Variants in MEIOB observed in about 807,000 individuals in gnomAD.
MEIOB encodes meiosis-specific with OB domain-containing protein.
MEIOB carries 50 observed loss-of-function variants against 53.1 expected under a neutral mutation model. That is an observed-to-expected ratio of 0.94 (90% confidence interval 0.75 to 1.19). MEIOB has a LOEUF of 1.19. Among genes scored for constraint, MEIOB ranks in the 50% most tolerant of loss-of-function variants. The pLI is 0.00. For missense variants in MEIOB, 551 were observed against 550.8 expected (o/e 1.00, Z 0.00); for synonymous variants, 192 against 182.5 (o/e 1.05, Z -0.42).
intron 12 of MEIOB, 67 bp downstream of exon 12, chr16:1,839,188 A>G (rs55829224): frequency 0.17 from 245,211 of 1,456,070 alleles, 21,927 homozygotes; most frequent in South Asian, 0.28. Flanking sequence ...AAAACAACCT[A>G]TATTTTTTTG....
At chr16:1,869,784 A>C (rs1899691114) in intron 1 of MEIOB, among the ~76,000 whole-genome samples, 1 of 152,010 alleles carries the variant, frequency 6.6e-6, no homozygotes, top group African/African-American at 2.4e-5. Flanking sequence ...AATATATATT[A>C]GCATCAAGCT....
At chr16:1,841,729 A>G in intron 11 of MEIOB, 91 bp downstream of exon 11, 1 of 1,011,290 alleles carries the variant, frequency 9.9e-7, no homozygotes, top group Non-Finnish European at 1.4e-6. Flanking sequence ...TTACATCAAC[A>G]AACAGCTTTA....
At chr16:1,838,982 G>C (rs1303630278) in intron 12 of MEIOB, among the ~76,000 whole-genome samples, 7 of 152,160 alleles carry the variant, frequency 4.6e-5, no homozygotes, top group Non-Finnish European at 1.0e-4. Flanking sequence ...GTGAGCCACG[G>C]TGCCCAGCCC....
At chr16:1,856,894 G>A (rs1324388726) in intron 6 of MEIOB, among the ~76,000 whole-genome samples, 1 of 150,944 alleles carries the variant, frequency 6.6e-6, no homozygotes, top group East Asian at 2.0e-4. Flanking sequence ...CTCCCAAGCA[G>A]CTGAGATTAC....
At chr16:1,866,462 T>C (rs553722625) in intron 2 of MEIOB, among the ~76,000 whole-genome samples, 1 of 152,246 alleles carries the variant, frequency 6.6e-6, no homozygotes, top group South Asian at 2.1e-4. Flanking sequence ...GGCTCACACG[T>C]GTAATCCCAG....
In MEIOB at chr16:1,841,716, C is replaced by T. The variant is rs1898915443; in HGVS notation, c.1034+104G>A. On this transcript the variant is annotated intron_variant, in intron 11 of 13. Coordinates refer to ENST00000325962, the MANE Select transcript of MEIOB (RefSeq NM_001163560.3). ...CACATTTATCTCCAATACATAACCC[C>T]TGTTACATCAACAAACAGCTTTAAC... 1.3e-5 allele frequency: 10 copies of T among 794,072 alleles called. No homozygotes were observed. In the East Asian group the frequency reaches 2.9e-4, roughly 23 times the overall value. 49.2% of individuals were successfully genotyped at this position (794,072 alleles called of 1,614,324 possible).
rs528541269 is a variant in MEIOB at position 1,853,656 on chromosome 16, A to G, written c.630-385T>C. Among the ~76,000 whole-genome samples the G allele has an allele frequency of 8.5e-4, 129 of 152,294 alleles. 1 individual carries two copies. Among genetic ancestry groups the G allele is most frequent in the African/African-American group, 2.9e-3 (119 of 41,564 alleles). On this transcript the variant is annotated intron_variant, in intron 7 of 13. Coordinates refer to ENST00000325962, the MANE Select transcript of MEIOB (RefSeq NM_001163560.3). ...CCTTGATGGGTTGAAGACATTTTTG[A>G]AATCAGTTCCTTTGGTACCCAGGCA...
chr16:1,859,874 C>G (rs1359753160), intron 5 of MEIOB, among the ~76,000 whole-genome samples: 2 of 152,188 alleles, frequency 1.3e-5, no homozygotes, highest in Non-Finnish European at 2.9e-5. Flanking sequence ...AGCCAGGGCA[C>G]TGCTCTAAGG....
At chr16:1,866,616 C>A (rs557893937) in intron 2 of MEIOB, among the ~76,000 whole-genome samples, 3 of 151,750 alleles carry the variant, frequency 2.0e-5, no homozygotes, top group Non-Finnish European at 2.9e-5. Flanking sequence ...CAGCTACTCG[C>A]GAGGCTGAGG....
intron 11 of MEIOB, among the ~76,000 whole-genome samples, chr16:1,841,293 C>T (rs1221478533): frequency 6.6e-6 from 1 of 152,204 alleles, no homozygotes; most frequent in Non-Finnish European, 1.5e-5. Flanking sequence ...GCTGGGATTA[C>T]AGGCGTGAGC....
rs990083450 is a variant in MEIOB at position 1,865,807 on chromosome 16, G to C, written c.98C>G (p.Thr33Arg). Reference protein sequence around the residue: ...LKVIGIVIGKTDVKGFPDRKN... With the variant: ...LKVIGIVIGKRDVKGFPDRKN... The stretch of plus-strand genomic sequence containing the variant: ...TCTGTCTGGAAAGCCTTTGACATCT[G>C]TTTTCCCAATAACTATACCGATAAC... The change falls in exon 3 of 14, where the codon ACA becomes AGA. Residue 33 changes from threonine (T) to arginine (R), a missense_variant. By Grantham distance (71) the Thr-to-Arg change is moderately conservative. Transcript: ENST00000325962. The C allele has an allele frequency of 6.5e-7, 1 of 1,548,788 alleles. No individual in the cohort carries two copies. The highest frequency in any genetic ancestry group is 8.7e-7 in the Non-Finnish European group (1 of 1,146,200).
chr16:1,852,198 C>T (rs1196335074), intron 9 of MEIOB, among the ~76,000 whole-genome samples: 3 of 150,578 alleles, frequency 2.0e-5, no homozygotes, highest in Non-Finnish European at 2.9e-5. Flanking sequence ...GCAATAAAAT[C>T]GATCTCTCAA....
At chr16:1,857,707 A>C in intron 6 of MEIOB, 28 bp downstream of exon 6, 2 of 1,541,052 alleles carry the variant, frequency 1.3e-6, no homozygotes, top group Non-Finnish European at 1.8e-6. Flanking sequence ...GCCAGATTGC[A>C]CTTGGCTTTG....
chr16:1,860,997 T>C (rs1238716704), intron 4 of MEIOB, among the ~76,000 whole-genome samples: 1 of 152,176 alleles, frequency 6.6e-6, no homozygotes, highest in East Asian at 1.9e-4. Flanking sequence ...CTAGGGCTCA[T>C]AAAAGTTATC....
At chr16:1,863,690 G>C (rs550850832) in intron 3 of MEIOB, among the ~76,000 whole-genome samples, 7 of 151,120 alleles carry the variant, frequency 4.6e-5, no homozygotes, top group African/African-American at 1.7e-4. Context: ...AGGTTTTTTA[G>C]TAGAGGTGGG....
intron 9 of MEIOB, among the ~76,000 whole-genome samples, chr16:1,851,369 C>G (rs899317509): frequency 1.3e-5 from 2 of 152,212 alleles, no homozygotes; most frequent in Non-Finnish European, 1.5e-5. Context: ...GCCCGACCAC[C>G]TTGTGGCTCT....
At chr16:1,843,008 CA>C in intron 10 of MEIOB, among the ~76,000 whole-genome samples, 4 of 256 alleles carry the variant, frequency 0.016, no homozygotes, top group African/African-American at 0.057. Flanking sequence ...AAAAGTACAT[CA>C]CACAGCCAGG....
chr16:1,866,588 G>C (rs1899598435), intron 2 of MEIOB, among the ~76,000 whole-genome samples: 1 of 152,040 alleles, frequency 6.6e-6, no homozygotes, highest in South Asian at 2.1e-4. Context: ...CAGGTGTGGT[G>C]GTGGGTGCCT....
intron 6 of MEIOB, among the ~76,000 whole-genome samples, chr16:1,854,504 C>T (rs780886316): frequency 7.9e-5 from 12 of 152,228 alleles, no homozygotes; most frequent in Non-Finnish European, 1.3e-4. Flanking sequence ...GGGGCATCTA[C>T]GTGGACTCCT....
Sources: allele counts gnomAD v4.1 joint callset (sites outside exome capture counted in the v4.1 genomes callset), GRCh38; gene constraint gnomAD v4.1.1; transcripts MANE v1.5; gene names NCBI Gene and HGNC (gene_info 2026-07-23, HGNC 2026-07-21).